MAP2K4: variants seen among roughly 807,000 people sequenced by gnomAD.
The protein encoded by MAP2K4 is dual specificity mitogen-activated protein kinase kinase 4.
Under a neutral mutation model 48.5 loss-of-function variants are expected in MAP2K4, and 4 were observed. The ratio of observed to expected loss-of-function variants is 0.08; its 90% confidence interval spans 0.04 to 0.19. The LOEUF is 0.19. Among genes scored for constraint, MAP2K4 ranks in the 10% least tolerant of loss-of-function variants. MAP2K4 has a pLI of 1.00. For synonymous variants in MAP2K4, 166 were observed against 173.1 expected (o/e 0.96, Z 0.32); for missense variants, 258 against 493.3 (o/e 0.52, Z 4.52).
In MAP2K4 at chr17:12,031,304, T is replaced by G. The variant is rs187146655; in HGVS notation, c.115+10303T>G. On this transcript the variant is annotated intron_variant, in intron 1 of 10. Transcript: ENST00000353533. ...GGCATCTTCTTAGAATCCTAAGAATTTTGATAACTGGATAGGAAAGACTAC... is the reference window on the plus strand; with the variant it reads ...GGCATCTTCTTAGAATCCTAAGAATGTTGATAACTGGATAGGAAAGACTAC... Among the ~76,000 whole-genome samples the G allele has an allele frequency of 2.8e-4, 42 of 152,352 alleles. No homozygotes were observed. The East Asian group carries it at 6.2e-3, about 22-fold the overall frequency.
chr17:12,049,204 C>G (rs750296605), intron 1 of MAP2K4, among the ~76,000 whole-genome samples: 8 of 152,106 alleles, frequency 5.3e-5, no homozygotes, highest in Non-Finnish European at 1.2e-4. Flanking sequence ...ACAATGAGAG[C>G]CAAGGAAGAA....
intron 2 of MAP2K4, among the ~76,000 whole-genome samples, chr17:12,066,383 A>G (rs1249145210): frequency 6.6e-6 from 1 of 152,204 alleles, no homozygotes; most frequent in Non-Finnish European, 1.5e-5. Context: ...CAGAATACAT[A>G]ATTTATATAG....
In MAP2K4 at chr17:12,129,668, C is replaced by A. The variant is rs74874741; in HGVS notation, c.1040+381C>A. On this transcript the variant is annotated intron_variant, in intron 9 of 10. Coordinates refer to ENST00000353533, the MANE Select transcript of MAP2K4 (RefSeq NM_003010.4). ...CTGGAAGCATTTACTGAATCAAGAGCTTGCCAGATCAGACTTTCAGGGTTG... is the reference window on the plus strand; with the variant it reads ...CTGGAAGCATTTACTGAATCAAGAGATTGCCAGATCAGACTTTCAGGGTTG... Among the ~76,000 whole-genome samples the A allele has an allele frequency of 2.5e-3, 379 of 152,322 alleles. 4 individuals are homozygous for A. Among genetic ancestry groups the A allele is most frequent in the African/African-American group, 8.8e-3 (364 of 41,574 alleles).
At chr17:12,054,519 C>T (rs192043199) in intron 1 of MAP2K4, among the ~76,000 whole-genome samples, 3 of 152,170 alleles carry the variant, frequency 2.0e-5, no homozygotes, top group Admixed American at 2.0e-4. Context: ...AAACTGAGGG[C>T]ATTAAGTATA....
At chr17:12,038,203 G>A (rs113041533) in intron 1 of MAP2K4, among the ~76,000 whole-genome samples, 178 of 152,230 alleles carry the variant, frequency 1.2e-3, no homozygotes, top group Non-Finnish European at 2.0e-3. Context: ...TCCAGTTAAA[G>A]TGGTTTTCAA....
At chr17:12,139,549 CTG>C (rs1336288187) in intron 9 of MAP2K4, among the ~76,000 whole-genome samples, 5 of 152,062 alleles carry the variant, frequency 3.3e-5, no homozygotes, top group Non-Finnish European at 7.4e-5. Flanking sequence ...ATATATTTAA[CTG>C]TAGTATTCTG....
chr17:12,055,192 T>A (rs1193180849), intron 2 of MAP2K4, among the ~76,000 whole-genome samples: 1 of 152,148 alleles, frequency 6.6e-6, no homozygotes, highest in East Asian at 1.9e-4. Flanking sequence ...TGTCCAACTG[T>A]ACAAATTTTC....
chr17:12,032,575 A>G (rs1364865191), intron 1 of MAP2K4, among the ~76,000 whole-genome samples: 1 of 152,212 alleles, frequency 6.6e-6, no homozygotes, highest in Admixed American at 6.5e-5. Context: ...ATATATAGGT[A>G]TTCAGACTTA....
At chr17:12,080,380 C>G (rs1971151693) in intron 2 of MAP2K4, among the ~76,000 whole-genome samples, 1 of 152,070 alleles carries the variant, frequency 6.6e-6, no homozygotes, top group Non-Finnish European at 1.5e-5. Context: ...TAGTTTGTTC[C>G]TACACATTGG....
intron 4 of MAP2K4, among the ~76,000 whole-genome samples, chr17:12,101,842 GA>G (rs1299659134): frequency 6.6e-6 from 1 of 151,924 alleles, no homozygotes; most frequent in Non-Finnish European, 1.5e-5. Context: ...AATATCATTT[GA>G]TTTTTTTATA....
chr17:12,114,850 A>G (rs901168434), intron 7 of MAP2K4, among the ~76,000 whole-genome samples: 5 of 152,226 alleles, frequency 3.3e-5, no homozygotes, highest in African/African-American at 1.2e-4. Context: ...GTGCAGAGAT[A>G]TGCTTTGCAG....
chr17:12,121,205 T>C (rs545879954), intron 7 of MAP2K4, among the ~76,000 whole-genome samples: 1 of 152,322 alleles, frequency 6.6e-6, no homozygotes, highest in East Asian at 1.9e-4. Flanking sequence ...CTTCAGGCTA[T>C]GTATATAGTT....
At chr17:12,036,551 C>A (rs748795767) in intron 1 of MAP2K4, 6 of 152,108 alleles carry the variant, frequency 3.9e-5, no homozygotes, top group Admixed American at 1.3e-4. Flanking sequence ...CCAAAAAAAT[C>A]ATTCTTCCAA....
chr17:12,119,149 T>C (rs1465991360), intron 7 of MAP2K4, among the ~76,000 whole-genome samples: 1 of 152,148 alleles, frequency 6.6e-6, no homozygotes, highest in Non-Finnish European at 1.5e-5. Context: ...GAGGAAGAAA[T>C]GCCCATAGAC....
chr17:12,050,435 T>G (rs1027516950), intron 1 of MAP2K4, among the ~76,000 whole-genome samples: 3 of 152,140 alleles, frequency 2.0e-5, no homozygotes, highest in Admixed American at 6.5e-5. Context: ...GTGAGCCCAG[T>G]GTAAAGTGTT....
intron 3 of MAP2K4, among the ~76,000 whole-genome samples, chr17:12,094,817 C>T (rs955449243): frequency 6.6e-6 from 1 of 152,104 alleles, no homozygotes; most frequent in African/African-American, 2.4e-5. Flanking sequence ...TATCCCTGGT[C>T]TGCAGTATAT....
At chr17:12,108,976 G>T (rs1181400414) in intron 5 of MAP2K4, among the ~76,000 whole-genome samples, 2 of 151,760 alleles carry the variant, frequency 1.3e-5, no homozygotes, top group Non-Finnish European at 2.9e-5. Context: ...CTTACTATTT[G>T]TAATAATTAT....
intron 4 of MAP2K4, among the ~76,000 whole-genome samples, chr17:12,100,976 A>G (rs917338137): frequency 1.4e-4 from 22 of 152,170 alleles, no homozygotes; most frequent in African/African-American, 4.8e-4. Flanking sequence ...TATCAGACCT[A>G]TGATTTGCAG....
intron 3 of MAP2K4, among the ~76,000 whole-genome samples, chr17:12,089,944 T>C (rs1019482773): frequency 1.3e-5 from 2 of 152,230 alleles, no homozygotes; most frequent in South Asian, 4.1e-4. Context: ...ACCACTGCTT[T>C]CTAAAGTCAT....
Sources: gnomAD v4.1 joint callset for allele counts (sites outside exome capture counted in the v4.1 genomes callset) on GRCh38, gnomAD v4.1.1 for gene constraint, MANE v1.5 for transcripts, NCBI Gene and HGNC (gene_info 2026-07-23, HGNC 2026-07-21) for gene names.